Variants in ZNF532 observed in about 807,000 individuals in gnomAD.
ZNF532 encodes the protein zinc finger protein 532.
In ZNF532, 22 loss-of-function variants were observed where a neutral mutation model predicts 89.3. The ratio of observed to expected loss-of-function variants is 0.25; its 90% confidence interval spans 0.18 to 0.35. The LOEUF (loss-of-function observed/expected upper bound fraction) is 0.35. ZNF532 is among the 10% of genes least tolerant of loss of function. The pLI is 1.00. For synonymous variants in ZNF532, 606 were observed against 649.6 expected (o/e 0.93, Z 1.02); for missense variants, 1,132 against 1,643.4 (o/e 0.69, Z 5.38).
chr18:58,970,543 G>A (rs1057329382), intron 7 of ZNF532, among the ~76,000 whole-genome samples: 2 of 152,258 alleles, frequency 1.3e-5, no homozygotes, highest in Non-Finnish European at 2.9e-5. Context: ...TCTGGTGAAT[G>A]TTTCAGAGTT....
chr18:58,909,218 G>C (rs2060124984), intron 2 of ZNF532, among the ~76,000 whole-genome samples: 1 of 152,196 alleles, frequency 6.6e-6, no homozygotes, highest in South Asian at 2.1e-4. Context: ...CTCCCAAAGT[G>C]TTGGGATTAT....
rs1555708767 is a variant in ZNF532 at position 58,888,697 on chromosome 18, T to TTTTATA, written c.-18+23119_-18+23120insTTATAT. Reference sequence around the variant, plus strand: ...GTCTCCAAGGAAGGCAAAAAAAAAATTATATATATATATATATATATATAT... The same window carrying TTTTATA: ...GTCTCCAAGGAAGGCAAAAAAAAAATTTTATATATATATATATATATATATATATAT... On this transcript the variant is annotated intron_variant, in intron 2 of 9. Coordinates refer to ENST00000591808, the MANE Select transcript of ZNF532 (RefSeq NM_001375912.1). Among the ~76,000 whole-genome samples, 187 of 45,306 alleles carry TTTTATA rather than the reference T, an allele frequency of 4.1e-3. 8 individuals carry two copies. The highest frequency in any genetic ancestry group is 0.021 in the African/African-American group (177 of 8,362). 29.7% of individuals were successfully genotyped at this position (45,306 alleles called of 152,430 possible). A position where few individuals can be genotyped will look rare whatever the true frequency, so the allele number is the denominator to read the frequency against.
At chr18:58,974,999 C>T (rs2066882589) in intron 7 of ZNF532, among the ~76,000 whole-genome samples, 1 of 152,132 alleles carries the variant, frequency 6.6e-6, no homozygotes, top group Non-Finnish European at 1.5e-5. Flanking sequence ...TTGCATAGTG[C>T]AGTGATTTTT....
intron 2 of ZNF532, among the ~76,000 whole-genome samples, chr18:58,888,001 A>C (rs1422193344): frequency 1.3e-5 from 2 of 152,134 alleles, no homozygotes; most frequent in Admixed American, 1.3e-4. Context: ...ATTATTTCTA[A>C]CTACTCTCCT....
intron 2 of ZNF532, among the ~76,000 whole-genome samples, chr18:58,887,089 T>C (rs1043651485): frequency 6.6e-6 from 1 of 152,168 alleles, no homozygotes; most frequent in African/African-American, 2.4e-5. Context: ...GGCGGTGAAA[T>C]GAAGAACACC....
At position 58,984,617 on chromosome 18, in the gene ZNF532, A is replaced by AAG; in HGVS notation, c.*151_*152insAG. On this transcript the variant is annotated 3_prime_UTR_variant, in exon 10 of 10. Transcript: ENST00000591808. ...TGTACCTTCCTTCACCTCGTCGTAT[A>AAG]TATCCTCGATAAGTATTAAAACAGT... The AAG allele has an allele frequency of 1.2e-6, 1 of 869,178 alleles. No homozygotes were observed. Among genetic ancestry groups the AAG allele is most frequent in the Non-Finnish European group, 1.7e-6 (1 of 576,076 alleles). 53.8% of individuals were successfully genotyped at this position (869,178 alleles called of 1,614,324 possible).
intron 7 of ZNF532, among the ~76,000 whole-genome samples, chr18:58,955,185 A>G (rs2064642663): frequency 1.3e-5 from 2 of 152,206 alleles, no homozygotes; most frequent in Non-Finnish European, 2.9e-5. Context: ...TGAGCCCAGG[A>G]GTTCCAGGGT....
At chr18:58,918,223 T>A in intron 2 of ZNF532, 48 bp from the exon 3 acceptor site, 1 of 1,522,576 alleles carries the variant, frequency 6.6e-7, no homozygotes, top group Non-Finnish European at 8.9e-7. Context: ...TATCTCATCG[T>A]GAGGAAATAC....
At chr18:58,936,299 C>T (rs912700451) in intron 4 of ZNF532, among the ~76,000 whole-genome samples, 11 of 152,186 alleles carry the variant, frequency 7.2e-5, no homozygotes, top group African/African-American at 2.2e-4. Context: ...CTTGCCATCA[C>T]GTTTTGAAAC....
At chr18:58,977,622 A>G (rs1356522389) in intron 7 of ZNF532, 1 of 152,240 alleles carries the variant, frequency 6.6e-6, no homozygotes, top group Non-Finnish European at 1.5e-5. Flanking sequence ...GACTGAGGCC[A>G]GCGGATCACT....
chr18:58,873,611 G>A (rs1457379082), intron 2 of ZNF532, among the ~76,000 whole-genome samples: 1 of 151,916 alleles, frequency 6.6e-6, no homozygotes, highest in Non-Finnish European at 1.5e-5. Context: ...ACCATGCCTG[G>A]CTCATTAATT....
chr18:58,963,643 G>GTGTGTA (rs1389236492), intron 7 of ZNF532, among the ~76,000 whole-genome samples: 2 of 122,096 alleles, frequency 1.6e-5, no homozygotes, highest in South Asian at 2.9e-4. Flanking sequence ...GTGTGTGTGT[G>GTGTGTA]TGTATGTATA....
At chr18:58,921,718 C>A (rs1178135741) in intron 3 of ZNF532, among the ~76,000 whole-genome samples, 1 of 152,166 alleles carries the variant, frequency 6.6e-6, no homozygotes, top group Non-Finnish European at 1.5e-5. Flanking sequence ...ATGTGTTTAT[C>A]ATAAATATAT....
intron 2 of ZNF532, among the ~76,000 whole-genome samples, chr18:58,913,496 A>C (rs984143167): frequency 2.0e-5 from 3 of 152,126 alleles, no homozygotes; most frequent in African/African-American, 7.2e-5. Context: ...CACACCTGTA[A>C]TCCTGGCACT....
At chr18:58,953,276 T>A in intron 6 of ZNF532, 1 of 355,664 alleles carries the variant, frequency 2.8e-6, no homozygotes, top group Non-Finnish European at 5.0e-6. Flanking sequence ...TAAAGAATTT[T>A]AAAATGGTAC....
At chr18:58,934,239 C>A in intron 3 of ZNF532, 194 bp from the exon 4 acceptor site, 1 of 523,474 alleles carries the variant, frequency 1.9e-6, no homozygotes, top group East Asian at 2.9e-5. Flanking sequence ...ATAGCACATA[C>A]TGTGATTTTA....
intron 7 of ZNF532, among the ~76,000 whole-genome samples, chr18:58,977,927 C>G (rs1033873865): frequency 2.5e-4 from 38 of 152,320 alleles, no homozygotes; most frequent in African/African-American, 8.9e-4. Flanking sequence ...AACTTCGTCC[C>G]ACTTCAGTCT....
intron 3 of ZNF532, 92 bp from the exon 4 acceptor site, chr18:58,934,341 A>C (rs2062192930): frequency 1.3e-5 from 15 of 1,150,498 alleles, no homozygotes; most frequent in Non-Finnish European, 1.9e-5. Context: ...GAAATGAAGG[A>C]TGTATAATTA....
At chr18:58,967,699 G>A (rs993336486) in intron 7 of ZNF532, among the ~76,000 whole-genome samples, 20 of 152,168 alleles carry the variant, frequency 1.3e-4, no homozygotes, top group Non-Finnish European at 2.6e-4. Flanking sequence ...CGAAACGCAC[G>A]GCATTCGGTC....
Sources: allele counts gnomAD v4.1 joint callset (sites outside exome capture counted in the v4.1 genomes callset), GRCh38; gene constraint gnomAD v4.1.1; transcripts MANE v1.5; gene names NCBI Gene and HGNC (gene_info 2026-07-23, HGNC 2026-07-21).